Variants in SGCZ observed in about 807,000 individuals in gnomAD.
SGCZ encodes the protein zeta-sarcoglycan.
Under a neutral mutation model 41.3 loss-of-function variants are expected in SGCZ, and 40 were observed. That is an observed-to-expected ratio of 0.97 (90% confidence interval 0.75 to 1.26). The LOEUF is 1.26. Among genes scored for constraint, SGCZ ranks in the 50% most tolerant of loss-of-function variants. SGCZ has a pLI of 0.00. For synonymous variants in SGCZ, 206 were observed against 137.5 expected (o/e 1.50, Z -3.49); for missense variants, 552 against 369.8 (o/e 1.49, Z -4.04).
intron 5 of SGCZ, among the ~76,000 whole-genome samples, chr8:14,156,464 AAAAAACAAAAAC>A (rs747376964): frequency 1.4e-4 from 22 of 152,254 alleles, no homozygotes; most frequent in Non-Finnish European, 2.5e-4. Context: ...CCATCTCAGA[AAAAAACAAAAAC>A]AAAAACAAAA....
At chr8:14,494,421 GAGA>G (rs1403988155) in intron 2 of SGCZ, among the ~76,000 whole-genome samples, 33 of 152,244 alleles carry the variant, frequency 2.2e-4, no homozygotes, top group East Asian at 7.7e-4. Context: ...TTTATGATGA[GAGA>G]AGAAGAATGA....
At chr8:14,697,939 G>A (rs374550882) in intron 1 of SGCZ, among the ~76,000 whole-genome samples, 1 of 151,896 alleles carries the variant, frequency 6.6e-6, no homozygotes, top group South Asian at 2.1e-4. Flanking sequence ...CCCACAGCTA[G>A]ACATTTCAAA....
At chr8:14,956,845 T>C (rs562836104) in intron 1 of SGCZ, among the ~76,000 whole-genome samples, 1 of 152,364 alleles carries the variant, frequency 6.6e-6, no homozygotes, top group East Asian at 1.9e-4. Flanking sequence ...ACCAGTCTTC[T>C]ACTTTTTAGA....
Position 14,090,331 on chromosome 8 carries a change from CTG to C in SGCZ, c.*110_*111del. On this transcript the variant is annotated 3_prime_UTR_variant, in exon 8 of 8. Transcript: ENST00000382080. ...ATCCCTGCTCACACTGGAAGTTGCT[CTG>C]TGGACCATTCGAAGAAGCTCTGGAC... The C allele has an allele frequency of 8.7e-7, 1 of 1,144,444 alleles. No individual in the cohort carries two copies. The allele number at this position is 1,144,444 out of a possible 1,614,324, so 70.9% of individuals were successfully genotyped here.
chr8:14,996,055 C>T (rs529355244), intron 1 of SGCZ, among the ~76,000 whole-genome samples: 17 of 152,138 alleles, frequency 1.1e-4, no homozygotes, highest in African/African-American at 3.4e-4. Flanking sequence ...AGGCGCCCGC[C>T]ACCACGCCCA....
chr8:14,877,603 TA>T (rs1274840166), intron 1 of SGCZ, among the ~76,000 whole-genome samples: 16 of 152,148 alleles, frequency 1.1e-4, no homozygotes, highest in Non-Finnish European at 5.9e-5. Flanking sequence ...GTAAAGATAT[TA>T]AAGGCATAAA....
At position 14,802,270 on chromosome 8, in the gene SGCZ, G is replaced by C. The variant is rs374257263; in HGVS notation, c.40-247344C>G. 2.2e-4 allele frequency among the ~76,000 whole-genome samples: 33 copies of C among 152,238 alleles called. No homozygotes were observed. In the East Asian group the frequency reaches 5.2e-3, roughly 24 times the overall value. ...TAAACCCTTAATGTGTATTTAGAAG[G>C]TGCTTCCCCATGAATAAATCACTAA... is the stretch of plus-strand genomic sequence containing the variant. On this transcript the variant is annotated intron_variant, in intron 1 of 7. Transcript: ENST00000382080.
chr8:14,133,840 T>C (rs1434856759), intron 5 of SGCZ, among the ~76,000 whole-genome samples: 1 of 152,200 alleles, frequency 6.6e-6, no homozygotes, highest in African/African-American at 2.4e-5. Context: ...TATTTTAAAA[T>C]TACCACTACA....
rs187683939 is a variant in SGCZ, at chr8:15,100,280, A to G, written c.39+137305T>C. 4.1e-4 allele frequency among the ~76,000 whole-genome samples: 62 copies of G among 152,298 alleles called. No homozygotes were observed. In the East Asian group the frequency reaches 0.01, roughly 26 times the overall value. On this transcript the variant is annotated intron_variant, in intron 1 of 7. Transcript: ENST00000382080. ...TGCAGGATACAAAGTTAATATATAA[A>G]AGTCCATTTATTTTTTATATTTCAG...
rs1212359004 is a variant in SGCZ at position 14,610,795 on chromosome 8, G to C, written c.40-55869C>G. On this transcript the variant is annotated intron_variant, in intron 1 of 7. Coordinates refer to ENST00000382080, the MANE Select transcript of SGCZ (RefSeq NM_139167.4). ...CAAACGTGAAGGAATTAATAGGATA[G>C]TTGAGTGTTCACACAGATACTTCAT... is the stretch of plus-strand genomic sequence containing the variant. Among the ~76,000 whole-genome samples the C allele has an allele frequency of 2.0e-5, 3 of 152,322 alleles. No homozygotes were observed. The East Asian group carries it at 5.8e-4, about 29-fold the overall frequency.
Position 14,559,949 on chromosome 8 carries a change from A to G in SGCZ, c.40-5023T>C, listed in dbSNP as rs546971348. On this transcript the variant is annotated intron_variant, in intron 1 of 7. Transcript: ENST00000382080. ...TGTGAAACCCATTATGTTATGTAACATAAGTGTTATAACAGATGATAAGTT... is the reference window on the plus strand; with the variant it reads ...TGTGAAACCCATTATGTTATGTAACGTAAGTGTTATAACAGATGATAAGTT... 4.6e-5 allele frequency among the ~76,000 whole-genome samples: 7 copies of G among 152,248 alleles called. No homozygotes were observed. The South Asian group carries it at 1.0e-3, about 23-fold the overall frequency.
intron 1 of SGCZ, among the ~76,000 whole-genome samples, chr8:14,744,159 C>A (rs897127237): frequency 6.6e-6 from 1 of 152,024 alleles, no homozygotes; most frequent in Non-Finnish European, 1.5e-5. Flanking sequence ...TTAAAAACCA[C>A]CATAGGGAGC....
chr8:14,551,738 G>A (rs1008407598), intron 2 of SGCZ, among the ~76,000 whole-genome samples: 3 of 105,208 alleles, frequency 2.9e-5, no homozygotes, highest in Non-Finnish European at 6.1e-5. Flanking sequence ...GTAATATAAA[G>A]TCATTTCCTT....
intron 2 of SGCZ, among the ~76,000 whole-genome samples, chr8:14,365,328 T>C (rs1372624395): frequency 2.6e-5 from 4 of 152,108 alleles, no homozygotes; most frequent in African/African-American, 9.7e-5. Flanking sequence ...AAATAATTTT[T>C]GTATTGTATT....
chr8:14,301,295 G>T (rs1008654472), intron 3 of SGCZ, among the ~76,000 whole-genome samples: 1 of 151,750 alleles, frequency 6.6e-6, no homozygotes, highest in African/African-American at 2.4e-5. Flanking sequence ...TCATGGAGCT[G>T]ATCCATGTTT....
At chr8:14,796,679 A>T (rs1458579534) in intron 1 of SGCZ, among the ~76,000 whole-genome samples, 1 of 152,172 alleles carries the variant, frequency 6.6e-6, no homozygotes, top group African/African-American at 2.4e-5. Flanking sequence ...CTTAGTAAAC[A>T]TCAACTCAAC....
In SGCZ at chr8:15,091,523, G is replaced by A. The variant is rs182844514; in HGVS notation, c.39+146062C>T. Among the ~76,000 whole-genome samples the A allele has an allele frequency of 8.5e-4, 129 of 152,238 alleles. 1 individual carries two copies. The highest frequency in any genetic ancestry group is 2.8e-3 in the African/African-American group (117 of 41,542). ...GCTTGAGAGATGCCATAAAATTAAT[G>A]TGCAGAATCAAAGTGTATGCCAAAA... On this transcript the variant is annotated intron_variant, in intron 1 of 7. Coordinates refer to ENST00000382080, the MANE Select transcript of SGCZ (RefSeq NM_139167.4).
intron 1 of SGCZ, among the ~76,000 whole-genome samples, chr8:15,068,199 C>G (rs929694887): frequency 6.6e-6 from 1 of 152,172 alleles, no homozygotes; most frequent in African/African-American, 2.4e-5. Context: ...CTCATTCTAA[C>G]GTACCATTTT....
chr8:14,841,322 G>C (rs945342516), intron 1 of SGCZ, among the ~76,000 whole-genome samples: 4 of 151,912 alleles, frequency 2.6e-5, no homozygotes, highest in African/African-American at 9.7e-5. Flanking sequence ...CCTAACATAA[G>C]AGATAAATAG....
Sources: gnomAD v4.1 joint callset for allele counts (sites outside exome capture counted in the v4.1 genomes callset) on GRCh38, gnomAD v4.1.1 for gene constraint, MANE v1.5 for transcripts, NCBI Gene and HGNC (gene_info 2026-07-23, HGNC 2026-07-21) for gene names.